YPEL2: variants seen among roughly 807,000 people sequenced by gnomAD.
YPEL2 encodes yippee like 2.
Under a neutral mutation model 19.1 loss-of-function variants are expected in YPEL2, and 2 were observed. That is an observed-to-expected ratio of 0.10 (90% CI 0.04 to 0.33). YPEL2 has a LOEUF of 0.33. YPEL2 is among the 10% of genes least tolerant of loss of function. The probability of loss-of-function intolerance (pLI) is 1.00; values close to 1 mark genes in which losing one functional copy is unlikely to be tolerated. For synonymous variants in YPEL2, 52 were observed against 50.0 expected (o/e 1.04, Z -0.17); for missense variants, 66 against 140.7 (o/e 0.47, Z 2.68).
intron 2 of YPEL2, among the ~76,000 whole-genome samples, chr17:59,357,729 T>C (rs1335222263): frequency 6.6e-6 from 1 of 152,106 alleles, no homozygotes. Context: ...TGTATGAAAA[T>C]TTTCTGTCTG....
rs143635157 is a variant in YPEL2 at position 59,341,439 on chromosome 17, C to G, written c.-196+9615C>G. Among the ~76,000 whole-genome samples the G allele has an allele frequency of 9.1e-3, 1,371 of 151,140 alleles. 23 individuals are homozygous for G. Among genetic ancestry groups the G allele is most frequent in the African/African-American group, 0.031 (1,284 of 41,242 alleles). Reference sequence around the variant, plus strand: ...TGACTCATGCCTGTAATCCCAGCATCTCCTGAGGTCAGGAGTTCCAGACCA... The same window carrying G: ...TGACTCATGCCTGTAATCCCAGCATGTCCTGAGGTCAGGAGTTCCAGACCA... On this transcript the variant is annotated intron_variant, in intron 1 of 4. Coordinates refer to ENST00000312655, the MANE Select transcript of YPEL2 (RefSeq NM_001005404.4).
chr17:59,364,884 G>A (rs1205185286), intron 2 of YPEL2, among the ~76,000 whole-genome samples: 2 of 152,092 alleles, frequency 1.3e-5, no homozygotes, highest in African/African-American at 2.4e-5. Context: ...CACTGGCCTC[G>A]GCCTCCCAAA....
At chr17:59,338,170 T>C (rs956744367) in intron 1 of YPEL2, among the ~76,000 whole-genome samples, 2 of 152,176 alleles carry the variant, frequency 1.3e-5, no homozygotes, top group Non-Finnish European at 2.9e-5. Context: ...GATTCGAAAC[T>C]GGATTGCTGG....
intron 2 of YPEL2, among the ~76,000 whole-genome samples, chr17:59,371,109 G>C (rs1284785329): frequency 6.6e-6 from 1 of 152,136 alleles, no homozygotes; most frequent in Non-Finnish European, 1.5e-5. Flanking sequence ...TGCTGGCTGG[G>C]CTCTGGCTGG....
intron 1 of YPEL2, among the ~76,000 whole-genome samples, chr17:59,352,441 T>A (rs1010038832): frequency 1.3e-5 from 2 of 152,202 alleles, no homozygotes; most frequent in African/African-American, 4.8e-5. Context: ...AGATGTATGG[T>A]CCTATGGGAT....
chr17:59,333,373 G>T (rs923510692), intron 1 of YPEL2, among the ~76,000 whole-genome samples: 5 of 152,220 alleles, frequency 3.3e-5, no homozygotes, highest in Non-Finnish European at 7.3e-5. Context: ...TTCAATGACA[G>T]CATTTCTTGG....
chr17:59,387,485 A>G (rs774972908), intron 2 of YPEL2, among the ~76,000 whole-genome samples: 5 of 152,106 alleles, frequency 3.3e-5, no homozygotes, highest in East Asian at 3.9e-4. Flanking sequence ...GTTAGACCAC[A>G]TTAAAAATGC....
At chr17:59,339,018 T>G (rs936326281) in intron 1 of YPEL2, among the ~76,000 whole-genome samples, 1 of 152,234 alleles carries the variant, frequency 6.6e-6, no homozygotes, top group Non-Finnish European at 1.5e-5. Flanking sequence ...CCAAGCAGCC[T>G]TGGCTTTTGG....
At chr17:59,374,650 A>T (rs1193146672) in intron 2 of YPEL2, among the ~76,000 whole-genome samples, 1 of 152,194 alleles carries the variant, frequency 6.6e-6, no homozygotes, top group Non-Finnish European at 1.5e-5. Flanking sequence ...TGTCTAGGGA[A>T]CACCTTTTAG....
intron 1 of YPEL2, among the ~76,000 whole-genome samples, chr17:59,352,577 ATTTAC>A (rs1419207947): frequency 1.3e-5 from 2 of 152,156 alleles, no homozygotes; most frequent in Non-Finnish European, 2.9e-5. Context: ...TGTACTGAGT[ATTTAC>A]TTCTGAGTGA....
rs114163322 is a variant in YPEL2 at position 59,399,693 on chromosome 17, C to T, written c.*2503C>T. On this transcript the variant is annotated 3_prime_UTR_variant, in exon 5 of 5. Transcript: ENST00000312655. Reference sequence around the variant, plus strand: ...GTGAAACCAAAAGTGCTTCTTACAACGTTCGCTCTGTTCATGGGTTGTCTA... The same window carrying T: ...GTGAAACCAAAAGTGCTTCTTACAATGTTCGCTCTGTTCATGGGTTGTCTA... 6 of 152,756 alleles carry T rather than the reference C, an allele frequency of 3.9e-5. No homozygotes were observed. Among genetic ancestry groups the T allele is most frequent in the Admixed American group, 6.5e-5 (1 of 15,302 alleles). The allele number at this position is 152,756 out of a possible 1,614,324, so 9.5% of individuals were successfully genotyped here. A position where few individuals can be genotyped will look rare whatever the true frequency, so the allele number is the denominator to read the frequency against.
intron 2 of YPEL2, among the ~76,000 whole-genome samples, chr17:59,383,621 T>A (rs1401375863): frequency 1.3e-4 from 6 of 47,294 alleles, no homozygotes; most frequent in African/African-American, 3.5e-4. Flanking sequence ...TATATATATA[T>A]ATATATATAT....
At chr17:59,393,666 C>T (rs1366355210) in intron 4 of YPEL2, among the ~76,000 whole-genome samples, 17 of 146,814 alleles carry the variant, frequency 1.2e-4, no homozygotes, top group Non-Finnish European at 2.1e-4. Flanking sequence ...TGCGGCCTTC[C>T]GCAGTGTTTG....
chr17:59,375,455 C>G (rs1381498862), intron 2 of YPEL2, among the ~76,000 whole-genome samples: 1 of 152,112 alleles, frequency 6.6e-6, no homozygotes, highest in African/African-American at 2.4e-5. Context: ...TTATTTGTTT[C>G]CAAGAGATTT....
Position 59,397,300 on chromosome 17 carries a change from G to A in YPEL2, c.*110G>A. 2 of 735,798 alleles carry A rather than the reference G, an allele frequency of 2.7e-6. No individual in the cohort carries two copies. The highest frequency in any genetic ancestry group is 3.2e-5 in the East Asian group (1 of 31,036). 45.6% of individuals were successfully genotyped at this position (735,798 alleles called of 1,614,324 possible). ...TTGGTTCCATCCATTTAGGGGCCTT[G>A]CCATCCGGGGCATCCTCCCACCCTG... On this transcript the variant is annotated 3_prime_UTR_variant, in exon 5 of 5. Coordinates refer to ENST00000312655, the MANE Select transcript of YPEL2 (RefSeq NM_001005404.4).
In YPEL2 at chr17:59,397,490, T is replaced by TA. The variant is rs1206669321; in HGVS notation, c.*302dup. The TA allele has an allele frequency of 5.4e-5, 12 of 221,516 alleles. No homozygotes were observed. Among genetic ancestry groups the TA allele is most frequent in the Non-Finnish European group, 1.1e-4 (12 of 113,218 alleles). The allele number at this position is 221,516 out of a possible 1,614,324, so 13.7% of individuals were successfully genotyped here. On this transcript the variant is annotated 3_prime_UTR_variant, in exon 5 of 5. Transcript: ENST00000312655. ...ACCGCATGGCGGCAGCCCACCTTGG[T>TA]AAGGGCCCCAGGGCCCATGCGAGAG...
intron 1 of YPEL2, among the ~76,000 whole-genome samples, chr17:59,341,631 G>A (rs761629337): frequency 6.6e-6 from 1 of 152,054 alleles, no homozygotes; most frequent in Admixed American, 6.5e-5. Flanking sequence ...GCACTCCAGC[G>A]TGGGCAACAA....
intron 2 of YPEL2, among the ~76,000 whole-genome samples, chr17:59,359,940 C>T (rs2147943087): frequency 1.3e-5 from 2 of 152,338 alleles, no homozygotes; most frequent in South Asian, 4.1e-4. Flanking sequence ...CACTCTGTTG[C>T]CCAGGCTGGA....
intron 1 of YPEL2, among the ~76,000 whole-genome samples, chr17:59,346,188 A>G (rs2047755365): frequency 6.6e-6 from 1 of 152,108 alleles, no homozygotes; most frequent in South Asian, 2.1e-4. Flanking sequence ...TTCTGCCGCC[A>G]CCACCATTTA....
Sources: gnomAD v4.1 joint callset for allele counts (sites outside exome capture counted in the v4.1 genomes callset) on GRCh38, gnomAD v4.1.1 for gene constraint, MANE v1.5 for transcripts, NCBI Gene and HGNC (gene_info 2026-07-23, HGNC 2026-07-21) for gene names.